Variants in ABCA13 observed in about 807,000 individuals in gnomAD.
ABCA13 encodes ATP-binding cassette sub-family A member 13.
In ABCA13, 476 loss-of-function variants were observed where a neutral mutation model predicts 478.7. The observed-to-expected ratio is 0.99, with a 90% confidence interval of 0.92 to 1.07. ABCA13 has a LOEUF of 1.07. ABCA13 is among the 50% of genes least tolerant of loss of function. The probability of loss-of-function intolerance (pLI) is 0.00; values close to 1 mark genes in which losing one functional copy is unlikely to be tolerated. For missense variants in ABCA13, 6,060 were observed against 5,910.6 expected (o/e 1.03, Z -0.83); for synonymous variants, 2,252 against 2,158.9 (o/e 1.04, Z -1.20).
At chr7:48,443,437 C>T (rs544784847) in intron 42 of ABCA13, among the ~76,000 whole-genome samples, 3 of 152,290 alleles carry the variant, frequency 2.0e-5, no homozygotes, top group Non-Finnish European at 4.4e-5. Flanking sequence ...ACAGCACTCA[C>T]GCATCCTCTG....
At chr7:48,469,866 G>C (rs1827287324) in intron 44 of ABCA13, among the ~76,000 whole-genome samples, 1 of 151,548 alleles carries the variant, frequency 6.6e-6, no homozygotes, top group African/African-American at 2.4e-5. Flanking sequence ...GTTGTAGTGA[G>C]CCGAGATTGT....
chr7:48,536,286 T>G (rs1227216293), intron 55 of ABCA13, among the ~76,000 whole-genome samples: 1 of 152,172 alleles, frequency 6.6e-6, no homozygotes, highest in East Asian at 1.9e-4. Context: ...TATCTACAAA[T>G]TTTCATCTAA....
At chr7:48,415,818 T>G (rs1819899381) in intron 41 of ABCA13, among the ~76,000 whole-genome samples, 1 of 152,212 alleles carries the variant, frequency 6.6e-6, no homozygotes, top group Non-Finnish European at 1.5e-5. Context: ...TTGTGGCATA[T>G]ATGACCAATC....
intron 23 of ABCA13, among the ~76,000 whole-genome samples, chr7:48,309,033 G>GCGCACA (rs1554432223): frequency 1.4e-5 from 2 of 138,050 alleles, no homozygotes; most frequent in African/African-American, 5.5e-5. Context: ...ACACATGACT[G>GCGCACA]CACACACACA....
intron 43 of ABCA13, among the ~76,000 whole-genome samples, chr7:48,461,362 G>C (rs76422788): frequency 0.01 from 1,591 of 152,302 alleles, 28 homozygotes; most frequent in African/African-American, 0.036. Flanking sequence ...GACCGACTTT[G>C]CATGTCCAGT....
In ABCA13 at chr7:48,367,800, G is replaced by C; in HGVS notation, c.10695G>C (p.Leu3565=). The C allele has an allele frequency of 6.4e-7, 1 of 1,561,554 alleles. No homozygotes were observed. Among genetic ancestry groups the C allele is most frequent in the Non-Finnish European group, 8.7e-7 (1 of 1,151,422 alleles). ...PYPCHTSDLF[L]NNVGFFFPLI... ...CTGAATTATCCCCTTACAGATTCCT[G>C]AACAACGTTGGTTTCTTTTTTCCAC... Residue 3565 remains leucine, a synonymous_variant, in exon 32 of 62, where the codon CTG becomes CTC. Transcript: ENST00000435803.
chr7:48,295,661 A>C, intron 20 of ABCA13, 39 bp from the exon 21 acceptor site: 2 of 1,608,658 alleles, frequency 1.2e-6, no homozygotes, highest in Non-Finnish European at 1.7e-6. Flanking sequence ...ACAGATAAGT[A>C]TGTGTGCTTC....
At chr7:48,490,686 C>T (rs1487739444) in intron 48 of ABCA13, among the ~76,000 whole-genome samples, 1 of 152,200 alleles carries the variant, frequency 6.6e-6, no homozygotes, top group Non-Finnish European at 1.5e-5. Flanking sequence ...AGTTTCACCT[C>T]ATCATAAAGC....
rs568771002 is a variant in ABCA13 at position 48,334,619 on chromosome 7, G to C, written c.10000-803G>C. ...CAGAGTGCTGGGATTACAGGCGTGAGCCAGCACGCCCGGCCTCTATCCCTA... is the reference window on the plus strand; with the variant it reads ...CAGAGTGCTGGGATTACAGGCGTGACCCAGCACGCCCGGCCTCTATCCCTA... On this transcript the variant is annotated intron_variant, in intron 27 of 61. Transcript: ENST00000435803. Among the ~76,000 whole-genome samples, 9 of 152,326 alleles carry C rather than the reference G, an allele frequency of 5.9e-5. No homozygotes were observed. In the South Asian group the frequency reaches 1.5e-3, roughly 25 times the overall value.
chr7:48,399,344 TG>T (rs1232973793), intron 38 of ABCA13, among the ~76,000 whole-genome samples: 1 of 152,138 alleles, frequency 6.6e-6, no homozygotes, highest in East Asian at 1.9e-4. Flanking sequence ...CTATTCTGTA[TG>T]GGACAGGGGA....
intron 48 of ABCA13, among the ~76,000 whole-genome samples, chr7:48,501,293 T>C (rs1234394757): frequency 6.6e-6 from 1 of 152,144 alleles, no homozygotes; most frequent in Non-Finnish European, 1.5e-5. Context: ...CTTTGAAAGA[T>C]AATTTTTTAA....
At chr7:48,594,995 G>A (rs1175860754) in intron 58 of ABCA13, among the ~76,000 whole-genome samples, 182 bp downstream of exon 58, 1 of 152,170 alleles carries the variant, frequency 6.6e-6, no homozygotes, top group East Asian at 1.9e-4. Flanking sequence ...GAGGGATTAC[G>A]TTATATAACC....
In ABCA13 at chr7:48,244,676, A is replaced by G. The variant is rs766035438; in HGVS notation, c.1363A>G (p.Ile455Val). Residue 455 changes from isoleucine to valine, a missense_variant, in exon 11 of 62, where the codon ATA (isoleucine) becomes GTA (valine). Around this residue, in one of 3 missense-constraint regions of ABCA13, gnomAD observed 4,423 missense variants for 4,309.1 expected, o/e 1.03. Coordinates refer to ENST00000435803, the MANE Select transcript of ABCA13 (RefSeq NM_152701.5). The stretch of plus-strand genomic sequence containing the variant: ...GCTTGATGGAGCTCTCAGAAATGCG[A>G]TAGCTCAGAATTTACATTTTGTCCA... ...LQLDGALRNA[I>V]AQNLHFVQEV... The G allele has an allele frequency of 1.2e-5, 19 of 1,605,058 alleles. No individual in the cohort carries two copies. The African/African-American group carries it at 1.7e-4, about 15-fold the overall frequency.
At chr7:48,282,326 G>A (rs1797159166) in intron 19 of ABCA13, among the ~76,000 whole-genome samples, 1 of 152,216 alleles carries the variant, frequency 6.6e-6, no homozygotes, top group Admixed American at 6.5e-5. Context: ...GACCACAGTT[G>A]TTTAAGTAAT....
intron 55 of ABCA13, among the ~76,000 whole-genome samples, chr7:48,561,408 G>A (rs1333809368): frequency 6.6e-6 from 1 of 151,992 alleles, no homozygotes; most frequent in Non-Finnish European, 1.5e-5. Context: ...ACCAACACTT[G>A]TCTTTTCTCT....
chr7:48,185,941 C>T (rs1293630897), intron 1 of ABCA13, among the ~76,000 whole-genome samples: 1 of 151,906 alleles, frequency 6.6e-6, no homozygotes, highest in East Asian at 1.9e-4. Context: ...TATTAATCCT[C>T]TCAATCATTG....
In ABCA13 at chr7:48,570,558, C is replaced by T. The variant is rs539366422; in HGVS notation, c.14355-9666C>T. Among the ~76,000 whole-genome samples, 15 of 151,848 alleles carry T rather than the reference C, an allele frequency of 9.9e-5. No homozygotes were observed. The South Asian group carries it at 1.9e-3, about 19-fold the overall frequency. ...CAGGGTGGTCTTGATCTCCTCACCT[C>T]GTGATCCACCCGCCTCGGCCTCCCA... On this transcript the variant is annotated intron_variant, in intron 55 of 61. Transcript: ENST00000435803.
At chr7:48,572,134 C>T (rs1018002693) in intron 55 of ABCA13, among the ~76,000 whole-genome samples, 7 of 152,006 alleles carry the variant, frequency 4.6e-5, no homozygotes, top group Admixed American at 1.3e-4. Flanking sequence ...GAGCCGAGAC[C>T]GTGCCAATGC....
intron 54 of ABCA13, among the ~76,000 whole-genome samples, chr7:48,527,495 C>A (rs1036445422): frequency 1.3e-5 from 2 of 152,096 alleles, no homozygotes; most frequent in African/African-American, 4.8e-5. Flanking sequence ...GACACTGTCA[C>A]CAAGGTGGAC....
Sources: gnomAD v4.1 joint callset for allele counts (sites outside exome capture counted in the v4.1 genomes callset) on GRCh38, gnomAD v4.1.1 for gene constraint, gnomAD v4.1.1 regional missense constraint, MANE v1.5 for transcripts, NCBI Gene and HGNC (gene_info 2026-07-23, HGNC 2026-07-21) for gene names.